TRAPPC9: variants seen among roughly 807,000 people sequenced by gnomAD.
The protein encoded by TRAPPC9 is IKK2 binding protein.
TRAPPC9 carries 83 observed loss-of-function variants against 124.0 expected under a neutral mutation model. The ratio of observed to expected loss-of-function variants is 0.67; its 90% CI spans 0.56 to 0.80. The LOEUF (loss-of-function observed/expected upper bound fraction) is 0.80. Ranked by LOEUF, TRAPPC9 falls within the 30% of genes least tolerant of loss-of-function variation. TRAPPC9 has a pLI of 0.00. For synonymous variants in TRAPPC9, 638 were observed against 617.5 expected (o/e 1.03, Z -0.49); for missense variants, 1,302 against 1,508.3 (o/e 0.86, Z 2.27).
At chr8:140,376,870 T>C (rs951283184) in intron 7 of TRAPPC9, among the ~76,000 whole-genome samples, 2 of 80,230 alleles carry the variant, frequency 2.5e-5, no homozygotes, top group African/African-American at 1.5e-4. Context: ...CGAGGCTCCA[T>C]CTCAAAAAAA....
chr8:140,198,606 G>A (rs2062717967), intron 17 of TRAPPC9, among the ~76,000 whole-genome samples: 1 of 152,124 alleles, frequency 6.6e-6, no homozygotes, highest in Admixed American at 6.5e-5. Flanking sequence ...GAATGCCCAG[G>A]GAGACTGATT....
At chr8:140,098,094 G>A (rs1235339240) in intron 17 of TRAPPC9, 1 of 151,980 alleles carries the variant, frequency 6.6e-6, no homozygotes, top group East Asian at 1.9e-4. Flanking sequence ...ACGCCTGCCG[G>A]GGTCCTCCAC....
At chr8:140,019,550 T>G (rs1341554228) in intron 18 of TRAPPC9, among the ~76,000 whole-genome samples, 1 of 128,268 alleles carries the variant, frequency 7.8e-6, no homozygotes, top group Non-Finnish European at 1.6e-5. Flanking sequence ...GTCTTTTTTT[T>G]TTTTTTTTTT....
chr8:140,160,344 C>T (rs2061724397), intron 17 of TRAPPC9, among the ~76,000 whole-genome samples: 1 of 152,132 alleles, frequency 6.6e-6, no homozygotes, highest in Non-Finnish European at 1.5e-5. Context: ...GACACATGCA[C>T]ACGTATGTTT....
rs766899177 is a variant in TRAPPC9 at position 140,451,152 on chromosome 8, G to A, written c.222C>T (p.His74=). ...ENNEWGDFQT[H]RKVVGLITIT... The stretch of plus-strand genomic sequence containing the variant: ...TGGTGATGAGGCCCACGACTTTGCG[G>A]TGGGTCTGGAAGTCACCCCACTCGT... Residue 74 remains histidine, a synonymous_variant, in exon 2 of 23, where the codon CAC becomes CAT. Coordinates refer to ENST00000438773, the MANE Select transcript of TRAPPC9 (RefSeq NM_001160372.4). 49 of 1,614,008 alleles carry A rather than the reference G, an allele frequency of 3.0e-5. No individual in the cohort carries two copies. The highest frequency in any genetic ancestry group is 4.0e-5 in the Non-Finnish European group (47 of 1,180,026).
chr8:139,830,157 G>A (rs1332325326), intron 21 of TRAPPC9, among the ~76,000 whole-genome samples: 1 of 152,178 alleles, frequency 6.6e-6, no homozygotes, highest in African/African-American at 2.4e-5. Context: ...GCAAGGGAAG[G>A]AGCCTGACGT....
chr8:139,782,197 T>C (rs941587969), intron 21 of TRAPPC9, among the ~76,000 whole-genome samples: 4 of 152,036 alleles, frequency 2.6e-5, no homozygotes, highest in Non-Finnish European at 5.9e-5. Flanking sequence ...CTGGCCAACA[T>C]GGTGAAACCC....
At chr8:139,796,467 G>C (rs565511611) in intron 21 of TRAPPC9, among the ~76,000 whole-genome samples, 13 of 152,238 alleles carry the variant, frequency 8.5e-5, no homozygotes, top group African/African-American at 3.1e-4. Context: ...CTACGAATTT[G>C]TCAATTCTGG....
intron 18 of TRAPPC9, among the ~76,000 whole-genome samples, chr8:140,006,102 G>T (rs1392574454): frequency 6.6e-6 from 1 of 152,174 alleles, no homozygotes; most frequent in Non-Finnish European, 1.5e-5. Context: ...TGACAAGCCT[G>T]AGTCAACACA....
At chr8:140,077,431 T>C (rs1230934830) in intron 17 of TRAPPC9, among the ~76,000 whole-genome samples, 3 of 152,174 alleles carry the variant, frequency 2.0e-5, no homozygotes, top group Non-Finnish European at 2.9e-5. Flanking sequence ...CTAGCTTTCT[T>C]TTCTGTCATC....
intron 21 of TRAPPC9, among the ~76,000 whole-genome samples, chr8:139,817,693 C>T (rs2130779357): frequency 6.6e-6 from 1 of 152,348 alleles, no homozygotes; most frequent in South Asian, 2.1e-4. Flanking sequence ...GAAGGTTTTT[C>T]CTTTGCAAGG....
chr8:139,977,749 C>T (rs1226352090), intron 19 of TRAPPC9, among the ~76,000 whole-genome samples: 3 of 151,728 alleles, frequency 2.0e-5, no homozygotes, highest in African/African-American at 7.3e-5. Flanking sequence ...GGGGCGATCT[C>T]AGCTCACTGT....
intron 17 of TRAPPC9, among the ~76,000 whole-genome samples, chr8:140,117,653 G>A (rs939691186): frequency 2.6e-5 from 4 of 152,190 alleles, no homozygotes; most frequent in African/African-American, 9.7e-5. Context: ...ATCTCAACGT[G>A]AGTTTTGGAG....
chr8:140,289,174 AGTGTGT>A (rs71320349), intron 12 of TRAPPC9, among the ~76,000 whole-genome samples: 10,217 of 148,326 alleles, frequency 0.069, 379 homozygotes, highest in Middle Eastern at 0.093. Flanking sequence ...ATATATATAT[AGTGTGT>A]GTGTGTGTGT....
intron 17 of TRAPPC9, among the ~76,000 whole-genome samples, chr8:140,210,608 A>C (rs2063036427): frequency 1.3e-5 from 2 of 148,470 alleles, no homozygotes; most frequent in Admixed American, 6.7e-5. Flanking sequence ...CTGTACCCGC[A>C]CCCCCTTTCC....
chr8:140,235,690 G>A (rs912892608), intron 16 of TRAPPC9, among the ~76,000 whole-genome samples: 2 of 152,182 alleles, frequency 1.3e-5, no homozygotes, highest in Non-Finnish European at 1.5e-5. Flanking sequence ...ATAGTGCTGG[G>A]ATGTACAGAA....
rs1371659976 is a variant in TRAPPC9 at position 139,747,546 on chromosome 8, AG to A, written c.3056-15345del. Among the ~76,000 whole-genome samples the A allele has an allele frequency of 3.2e-3, 97 of 30,412 alleles. No individual in the cohort carries two copies. In the East Asian group the frequency reaches 0.046, roughly 15 times the overall value. The allele number at this position is 30,412 out of a possible 152,430, so 20.0% of individuals were successfully genotyped here. The stretch of plus-strand genomic sequence containing the variant: ...ACACACAGCAGGAGTCAGAGCAGGT[AG>A]GGGGGGCGTACAGGGGTCAGAGTGG... On this transcript the variant is annotated intron_variant, in intron 21 of 22. Coordinates refer to ENST00000438773, the MANE Select transcript of TRAPPC9 (RefSeq NM_001160372.4).
chr8:140,339,670 G>C (rs977809669), intron 9 of TRAPPC9, among the ~76,000 whole-genome samples: 1 of 152,080 alleles, frequency 6.6e-6, no homozygotes, highest in Non-Finnish European at 1.5e-5. Flanking sequence ...TTTCCAGTTC[G>C]TTCCAGTTTC....
At chr8:139,812,406 C>T (rs1157816817) in intron 21 of TRAPPC9, among the ~76,000 whole-genome samples, 4 of 152,084 alleles carry the variant, frequency 2.6e-5, no homozygotes, top group Admixed American at 1.3e-4. Flanking sequence ...TGTCTAACAC[C>T]GAAAGATCAC....
Sources: allele counts gnomAD v4.1 joint callset (sites outside exome capture counted in the v4.1 genomes callset), GRCh38; gene constraint gnomAD v4.1.1; transcripts MANE v1.5; gene names NCBI Gene and HGNC (gene_info 2026-07-23, HGNC 2026-07-21).